The following CCDC102B variants were observed in gnomAD, a reference collection of about 807,000 sequenced individuals.
CCDC102B encodes the protein coiled-coil domain containing 102B, also known as coiled-coil domain-containing protein 102B.
In CCDC102B, 75 loss-of-function variants were observed where a neutral mutation model predicts 57.4. The ratio of observed to expected loss-of-function variants is 1.31; its 90% confidence interval spans 1.08 to 1.58. The LOEUF is 1.58. Among genes scored for constraint, CCDC102B ranks in the 40% most tolerant of loss-of-function variants. The probability of loss-of-function intolerance (pLI) is 0.00; values close to 1 mark genes in which losing one functional copy is unlikely to be tolerated. For synonymous variants in CCDC102B, 206 were observed against 201.9 expected (o/e 1.02, Z -0.17); for missense variants, 636 against 582.6 (o/e 1.09, Z -0.94).
chr18:68,846,280 G>A (rs759625130), intron 3 of CCDC102B, 33 bp from the exon 4 acceptor site: 66 of 1,371,990 alleles, frequency 4.8e-5, no homozygotes, highest in African/African-American at 4.5e-5. Flanking sequence ...AATTGAAGCC[G>A]ACTTTTTTTC....
chr18:68,933,272 G>T (rs1346582164), intron 6 of CCDC102B, among the ~76,000 whole-genome samples: 1 of 151,792 alleles, frequency 6.6e-6, no homozygotes, highest in Non-Finnish European at 1.5e-5. Context: ...CCACAACCTT[G>T]TAATAAGATT....
intron 2 of CCDC102B, among the ~76,000 whole-genome samples, chr18:68,768,909 A>G (rs1425193893): frequency 6.6e-6 from 1 of 152,156 alleles, no homozygotes; most frequent in Non-Finnish European, 1.5e-5. Context: ...CAAAGGCATA[A>G]TTTTAACTAG....
chr18:68,781,819 T>G (rs1170363595), intron 2 of CCDC102B, among the ~76,000 whole-genome samples: 2 of 152,128 alleles, frequency 1.3e-5, no homozygotes, highest in Non-Finnish European at 2.9e-5. Flanking sequence ...TATAATAACA[T>G]GTATTGCTGA....
intron 6 of CCDC102B, among the ~76,000 whole-genome samples, chr18:69,007,348 G>A (rs2051379027): frequency 6.6e-6 from 1 of 152,128 alleles, no homozygotes. Flanking sequence ...GTGTAAGCAG[G>A]ACTCCCCCAA....
At chr18:68,975,744 G>T (rs17080010) in intron 6 of CCDC102B, among the ~76,000 whole-genome samples, 3,308 of 151,818 alleles carry the variant, frequency 0.022, 76 homozygotes, top group East Asian at 0.079. Flanking sequence ...AGAGTCAGGG[G>T]TCATTGCACA....
intron 5 of CCDC102B, among the ~76,000 whole-genome samples, chr18:68,885,130 G>A (rs1208249917): frequency 1.3e-5 from 2 of 151,832 alleles, no homozygotes; most frequent in East Asian, 3.9e-4. Context: ...GTAACATGGA[G>A]AAAACGAAAA....
chr18:68,726,963 A>G (rs915650763), intron 2 of CCDC102B, among the ~76,000 whole-genome samples: 2 of 152,180 alleles, frequency 1.3e-5, no homozygotes, highest in South Asian at 2.1e-4. Flanking sequence ...AAAGACTACA[A>G]GGAAGAAAAG....
chr18:68,786,390 G>A (rs1404878933), intron 2 of CCDC102B, among the ~76,000 whole-genome samples: 1 of 124,266 alleles, frequency 8.0e-6, no homozygotes, highest in Admixed American at 8.5e-5. Context: ...TGATGGGGAT[G>A]GCATTGAATC....
chr18:68,771,005 T>C (rs688055), intron 2 of CCDC102B, among the ~76,000 whole-genome samples: 2 of 152,218 alleles, frequency 1.3e-5, no homozygotes, highest in Admixed American at 6.5e-5. Context: ...TTAAAATAAA[T>C]GGTTCTGCAG....
At chr18:68,907,352 T>G (rs1369824091) in intron 6 of CCDC102B, among the ~76,000 whole-genome samples, 18 of 151,904 alleles carry the variant, frequency 1.2e-4, no homozygotes, top group Non-Finnish European at 1.6e-4. Context: ...AAAAACGCCA[T>G]TGGAATTTTC....
At chr18:68,835,215 T>C (rs900573967) in intron 1 of CCDC102B, among the ~76,000 whole-genome samples, 4 of 152,156 alleles carry the variant, frequency 2.6e-5, no homozygotes, top group African/African-American at 4.8e-5. Flanking sequence ...GGTATTTGTA[T>C]GGAAAGTTGA....
At chr18:68,786,887 A>G (rs1221500129) in intron 2 of CCDC102B, among the ~76,000 whole-genome samples, 3 of 152,042 alleles carry the variant, frequency 2.0e-5, no homozygotes, top group Non-Finnish European at 4.4e-5. Flanking sequence ...GGTGAGAGAG[A>G]GCATCCCTGT....
intron 2 of CCDC102B, among the ~76,000 whole-genome samples, chr18:68,756,127 A>G (rs543113645): frequency 6.6e-6 from 1 of 151,890 alleles, no homozygotes; most frequent in South Asian, 2.1e-4. Flanking sequence ...GAAGATTTTC[A>G]ATAAGTATTA....
chr18:68,790,439 C>T (rs2035405620), intron 2 of CCDC102B, among the ~76,000 whole-genome samples: 1 of 152,030 alleles, frequency 6.6e-6, no homozygotes, highest in Non-Finnish European at 1.5e-5. Flanking sequence ...CTCGCTGCCG[C>T]CTTGCAGTTT....
At chr18:69,042,614 C>T (rs2052461084) in intron 7 of CCDC102B, among the ~76,000 whole-genome samples, 1 of 151,990 alleles carries the variant, frequency 6.6e-6, no homozygotes, top group African/African-American at 2.4e-5. Context: ...TCGTGAATTC[C>T]CTTAAGAAGT....
intron 6 of CCDC102B, among the ~76,000 whole-genome samples, chr18:68,915,388 C>G (rs1275659629): frequency 2.0e-5 from 3 of 152,078 alleles, no homozygotes; most frequent in Non-Finnish European, 4.4e-5. Flanking sequence ...TTGCCTTATG[C>G]CAGATAGAAT....
chr18:68,895,981 A>G (rs1347822550), intron 5 of CCDC102B, among the ~76,000 whole-genome samples: 1 of 151,960 alleles, frequency 6.6e-6, no homozygotes, highest in Admixed American at 6.6e-5. Flanking sequence ...TAAGTGTTAC[A>G]TTGCTAGACA....
intron 4 of CCDC102B, among the ~76,000 whole-genome samples, chr18:68,868,640 CCTGA>C (rs1555716922): frequency 6.6e-6 from 1 of 152,142 alleles, no homozygotes; most frequent in African/African-American, 2.4e-5. Context: ...TGCTACCAAA[CCTGA>C]CTAACTGTAA....
intron 4 of CCDC102B, among the ~76,000 whole-genome samples, chr18:68,860,196 G>T (rs1292496876): frequency 1.3e-5 from 1 of 77,122 alleles, no homozygotes; most frequent in African/African-American, 3.8e-5. Flanking sequence ...GTAAACTATC[G>T]CAAGAACAAA....
Sources: allele counts gnomAD v4.1 joint callset (sites outside exome capture counted in the v4.1 genomes callset), GRCh38; gene constraint gnomAD v4.1.1; transcripts MANE v1.5; gene names NCBI Gene and HGNC (gene_info 2026-07-23, HGNC 2026-07-21).